The following CA10 variants were observed in gnomAD, a reference collection of about 807,000 sequenced individuals.
The protein encoded by CA10 is carbonic anhydrase-related protein 10.
A neutral mutation model predicts 44.2 loss-of-function variants in CA10; 14 were observed. The observed-to-expected ratio is 0.32, with a 90% confidence interval of 0.21 to 0.50. The LOEUF is 0.50. CA10 is among the 20% of genes least tolerant of loss of function. CA10 has a pLI of 0.99. For missense variants in CA10, 350 were observed against 409.7 expected (o/e 0.85, Z 1.26); for synonymous variants, 159 against 141.6 (o/e 1.12, Z -0.87).
chr17:52,058,942 T>C (rs977775524), intron 2 of CA10, among the ~76,000 whole-genome samples: 1 of 152,158 alleles, frequency 6.6e-6, no homozygotes, highest in Non-Finnish European at 1.5e-5. Flanking sequence ...ATACCTAGTG[T>C]CTAGCAGAGT....
intron 4 of CA10, among the ~76,000 whole-genome samples, chr17:51,675,443 C>G (rs933861497): frequency 1.3e-5 from 2 of 151,858 alleles, no homozygotes; most frequent in Non-Finnish European, 2.9e-5. Flanking sequence ...GCCTGTAGTC[C>G]CAGCTACTCA....
chr17:51,969,817 A>G (rs1248384414), intron 2 of CA10, among the ~76,000 whole-genome samples: 1 of 152,042 alleles, frequency 6.6e-6, no homozygotes, highest in Non-Finnish European at 1.5e-5. Flanking sequence ...CACTCCAGGC[A>G]GAGGCAAACA....
chr17:51,823,499 T>C (rs1449275542), intron 3 of CA10, among the ~76,000 whole-genome samples: 1 of 152,228 alleles, frequency 6.6e-6, no homozygotes, highest in African/African-American at 2.4e-5. Context: ...CTTCTGCATA[T>C]CTGGGTTCTC....
At chr17:51,864,385 C>T (rs1598088378) in intron 3 of CA10, among the ~76,000 whole-genome samples, 1 of 152,170 alleles carries the variant, frequency 6.6e-6, no homozygotes, top group East Asian at 1.9e-4. Flanking sequence ...AAGACAAGGC[C>T]ATTGTTTTAA....
At chr17:51,818,197 T>C (rs1598060367) in intron 3 of CA10, among the ~76,000 whole-genome samples, 1 of 152,248 alleles carries the variant, frequency 6.6e-6, no homozygotes, top group East Asian at 1.9e-4. Flanking sequence ...ACGACAGAAT[T>C]GTAATCCTTA....
chr17:51,939,732 A>G (rs1423173334), intron 2 of CA10, among the ~76,000 whole-genome samples: 1 of 151,604 alleles, frequency 6.6e-6, no homozygotes, highest in Admixed American at 6.6e-5. Flanking sequence ...TTCTTCACAT[A>G]TTTTTCTCTG....
At chr17:51,759,258 A>G (rs71381352) in intron 3 of CA10, among the ~76,000 whole-genome samples, 4,642 of 151,820 alleles carry the variant, frequency 0.031, 97 homozygotes, top group Non-Finnish European at 0.05. Flanking sequence ...TATGCCCCCA[A>G]TGGAATTGCC....
At chr17:51,846,506 T>C (rs1052775826) in intron 3 of CA10, among the ~76,000 whole-genome samples, 4 of 152,214 alleles carry the variant, frequency 2.6e-5, no homozygotes, top group African/African-American at 9.7e-5. Flanking sequence ...ATAACAATCT[T>C]AACAGGTAGC....
intron 3 of CA10, among the ~76,000 whole-genome samples, chr17:51,872,462 T>C (rs1287772917): frequency 6.6e-6 from 1 of 152,126 alleles, no homozygotes; most frequent in East Asian, 1.9e-4. Context: ...TCCCACCAGA[T>C]TTATGACAAA....
intron 3 of CA10, among the ~76,000 whole-genome samples, chr17:51,851,464 T>C (rs1253751109): frequency 1.3e-5 from 2 of 152,232 alleles, no homozygotes; most frequent in East Asian, 3.8e-4. Context: ...AAAAGAAATA[T>C]GTACCTCACG....
At chr17:51,706,662 A>G (rs1350263200) in intron 4 of CA10, among the ~76,000 whole-genome samples, 1 of 152,154 alleles carries the variant, frequency 6.6e-6, no homozygotes, top group Non-Finnish European at 1.5e-5. Context: ...TGATGGCCCC[A>G]TCACACTTAG....
chr17:51,819,691 A>G lies in CA10; in HGVS notation c.280-71873T>C, dbSNP rs576494618. 5.3e-5 allele frequency among the ~76,000 whole-genome samples: 8 copies of G among 152,260 alleles called. No individual in the cohort carries two copies. In the East Asian group the frequency reaches 1.5e-3, roughly 29 times the overall value. ...CCAAGGCCCCAAAGCCTGTGCTCAT[A>G]TTTCTTCTAAGAGGAAGTAGTGCAG... On this transcript the variant is annotated intron_variant, in intron 3 of 8. Transcript: ENST00000451037.
chr17:51,768,046 A>G (rs1041295339), intron 3 of CA10, among the ~76,000 whole-genome samples: 16 of 152,294 alleles, frequency 1.1e-4, no homozygotes, highest in African/African-American at 3.8e-4. Flanking sequence ...CCGGGATACT[A>G]CATTGCATTT....
At chr17:52,152,136 G>A (rs1232189205) in intron 1 of CA10, among the ~76,000 whole-genome samples, 2 of 151,720 alleles carry the variant, frequency 1.3e-5, no homozygotes, top group Non-Finnish European at 2.9e-5. Flanking sequence ...CAACTCAACT[G>A]TCTACAATCT....
chr17:51,653,884 T>C, intron 4 of CA10, 148 bp from the exon 5 acceptor site: 1 of 637,934 alleles, frequency 1.6e-6, no homozygotes, highest in East Asian at 2.7e-5. Context: ...TTCAGAGGGA[T>C]GTGTGTGCAT....
At chr17:51,711,962 C>T (rs758146002) in intron 4 of CA10, among the ~76,000 whole-genome samples, 9 of 152,098 alleles carry the variant, frequency 5.9e-5, no homozygotes, top group South Asian at 4.2e-4. Context: ...CAGCGGCTAC[C>T]GATGGGATCT....
Position 52,072,491 on chromosome 17 carries a change from T to C in CA10, c.62-98A>G, listed in dbSNP as rs72836027. On this transcript the variant is annotated intron_variant, in intron 1 of 8. Transcript: ENST00000451037. The stretch of plus-strand genomic sequence containing the variant: ...AGGGTGAATATCCATAAAATAACCC[T>C]TTTCTACCCCAAAGTCATACTACAA... 5.4e-3 allele frequency: 4,422 copies of C among 817,394 alleles called. 27 individuals carry two copies. The highest frequency in any genetic ancestry group is 6.9e-3 in the Non-Finnish European group (3,403 of 496,132). 50.6% of individuals were successfully genotyped at this position (817,394 alleles called of 1,614,324 possible).
chr17:51,786,214 CTG>C lies in CA10; in HGVS notation c.280-38398_280-38397del, dbSNP rs71357856. 1.2e-3 allele frequency among the ~76,000 whole-genome samples: 173 copies of C among 147,938 alleles called. 1 individual carries two copies. The highest frequency in any genetic ancestry group is 6.9e-3 in the Middle Eastern group (2 of 290). On this transcript the variant is annotated intron_variant, in intron 3 of 8. Coordinates refer to ENST00000451037, the MANE Select transcript of CA10 (RefSeq NM_020178.5). ...AATGCGTTCTAACATCTTTGTGTGT[CTG>C]TGTGTGTGTGTGTGTGTGTGTGTGG...
At chr17:52,065,152 C>T (rs1352529345) in intron 2 of CA10, among the ~76,000 whole-genome samples, 4 of 152,194 alleles carry the variant, frequency 2.6e-5, no homozygotes, top group Non-Finnish European at 5.9e-5. Context: ...CTGCCTTAAA[C>T]AGCTGGTCTA....
Sources: gnomAD v4.1 joint callset for allele counts (sites outside exome capture counted in the v4.1 genomes callset) on GRCh38, gnomAD v4.1.1 for gene constraint, MANE v1.5 for transcripts, NCBI Gene and HGNC (gene_info 2026-07-23, HGNC 2026-07-21) for gene names.